The following TRMT9B variants were observed in gnomAD, a reference collection of about 807,000 sequenced individuals.
TRMT9B encodes tRNA methyltransferase 9B (putative).
Under a neutral mutation model 11.5 loss-of-function variants are expected in TRMT9B, and 16 were observed. That is an observed-to-expected ratio of 1.39 (90% CI 0.94 to 2.11). The LOEUF is 2.11. Ranked by LOEUF, TRMT9B falls within the 30% of genes most tolerant of loss-of-function variation. TRMT9B has a pLI of 0.00. For missense variants in TRMT9B, 941 were observed against 553.8 expected, an observed-to-expected ratio of 1.70 and a Z score of -7.02; for synonymous variants, 274 against 192.4, an observed-to-expected ratio of 1.42 and a Z score of -3.51.
Position 13,012,724 on chromosome 8 carries a change from A to ACATAC in TRMT9B, c.197_201dup (p.Val68IlefsTer12). The ACATAC allele has an allele frequency of 6.2e-7, 1 of 1,614,048 alleles. No homozygotes were observed. On this transcript the variant is annotated frameshift_variant, in exon 4 of 5. Coordinates refer to ENST00000524591, the MANE Select transcript of TRMT9B (RefSeq NM_020844.3). LOFTEE classifies it high-confidence loss of function. The stretch of plus-strand genomic sequence containing the variant: ...AATATCTTAAAGTGAACAGCCAGGT[A>ACATAC]CATACCGTGGGCTGTGACTACTGTG...
intron 2 of TRMT9B, among the ~76,000 whole-genome samples, chr8:12,998,069 T>C (rs1187700561): frequency 6.6e-6 from 1 of 152,208 alleles, no homozygotes; most frequent in Non-Finnish European, 1.5e-5. Flanking sequence ...TTAAAGTCTC[T>C]CGCCCATTTT....
rs146108926 is a variant in TRMT9B, at chr8:13,006,921, G to A, written c.154+565G>A. 1,408 of 158,112 alleles carry A rather than the reference G, an allele frequency of 8.9e-3. 23 individuals are homozygous for A. The highest frequency in any genetic ancestry group is 0.032 in the African/African-American group (1,336 of 41,638). The allele number at this position is 158,112 out of a possible 1,614,324, so 9.8% of individuals were successfully genotyped here. ...TGACCTCAGATGATCCATCTGTCTC[G>A]GCTTCCCAAAGTGCTGGGATTACAG... On this transcript the variant is annotated intron_variant, in intron 3 of 4. Transcript: ENST00000524591.
At chr8:12,967,397 C>A (rs1370757332) in intron 1 of TRMT9B, among the ~76,000 whole-genome samples, 2 of 152,186 alleles carry the variant, frequency 1.3e-5, no homozygotes, top group East Asian at 1.9e-4. Flanking sequence ...TCCTATAGCT[C>A]CCCTACAAAG....
At chr8:12,975,303 A>G (rs1585159510) in intron 1 of TRMT9B, among the ~76,000 whole-genome samples, 2 of 152,314 alleles carry the variant, frequency 1.3e-5, no homozygotes, top group East Asian at 3.9e-4. Flanking sequence ...CCTGAACGAT[A>G]TACTTGATAT....
In TRMT9B at chr8:12,945,679, T is replaced by G. The variant is rs991895871; in HGVS notation, c.-487T>G. The G allele has an allele frequency of 6.6e-6, 1 of 152,228 alleles. No individual in the cohort carries two copies. Among genetic ancestry groups the G allele is most frequent in the Non-Finnish European group, 1.5e-5 (1 of 68,038 alleles). The allele number at this position is 152,228 out of a possible 1,614,324, so 9.4% of individuals were successfully genotyped here. A position where few individuals can be genotyped will look rare whatever the true frequency, so the allele number is the denominator to read the frequency against. Reference sequence around the variant, plus strand: ...AACATCCGGTGTGTGTTTTATTCAGTATTGTGTAGTACAGAAAAGATCACA... The same window carrying G: ...AACATCCGGTGTGTGTTTTATTCAGGATTGTGTAGTACAGAAAAGATCACA... On this transcript the variant is annotated 5_prime_UTR_variant, in exon 1 of 5. Coordinates refer to ENST00000524591, the MANE Select transcript of TRMT9B (RefSeq NM_020844.3).
chr8:13,013,410 G>A (rs1216648566), intron 4 of TRMT9B, among the ~76,000 whole-genome samples: 2 of 152,232 alleles, frequency 1.3e-5, no homozygotes, highest in African/African-American at 4.8e-5. Context: ...TCGTTCATGA[G>A]TCTAGGGAAT....
At chr8:12,976,889 C>G (rs929322739) in intron 1 of TRMT9B, among the ~76,000 whole-genome samples, 1 of 152,100 alleles carries the variant, frequency 6.6e-6, no homozygotes, top group African/African-American at 2.4e-5. Context: ...ATTGTTCAAC[C>G]CAGACCTATC....
At chr8:12,972,631 G>C (rs1803812050) in intron 1 of TRMT9B, among the ~76,000 whole-genome samples, 1 of 152,094 alleles carries the variant, frequency 6.6e-6, no homozygotes, top group Admixed American at 6.5e-5. Flanking sequence ...TAGCAGTGCT[G>C]TTTACAGAGT....
In TRMT9B at chr8:12,998,590, T is replaced by C. The variant is rs10108448; in HGVS notation, c.-2+7559T>C. Among the ~76,000 whole-genome samples, 1,304 of 152,330 alleles carry C rather than the reference T, an allele frequency of 8.6e-3. 20 individuals are homozygous for C. The highest frequency in any genetic ancestry group is 0.03 in the African/African-American group (1,237 of 41,580). On this transcript the variant is annotated intron_variant, in intron 2 of 4. Transcript: ENST00000524591. Reference sequence around the variant, plus strand: ...TACCCTGGCCTCTGTGCTAACTTCTTAGGAGGAGCAGGTATAAAAAGCACC... The same window carrying C: ...TACCCTGGCCTCTGTGCTAACTTCTCAGGAGGAGCAGGTATAAAAAGCACC...
chr8:13,013,215 A>T (rs1279539983), intron 4 of TRMT9B, among the ~76,000 whole-genome samples: 2 of 152,352 alleles, frequency 1.3e-5, no homozygotes, highest in South Asian at 4.1e-4. Context: ...TTTAGAAGTT[A>T]TATTACCATT....
chr8:13,012,506 C>G, intron 3 of TRMT9B, 178 bp from the exon 4 acceptor site: 1 of 763,132 alleles, frequency 1.3e-6, no homozygotes, highest in Non-Finnish European at 1.9e-6. Context: ...ACCCGTGAGG[C>G]AGAGGTTGCA....
intron 1 of TRMT9B, among the ~76,000 whole-genome samples, chr8:12,963,895 C>A (rs901371590): frequency 6.6e-6 from 1 of 152,152 alleles, no homozygotes; most frequent in East Asian, 1.9e-4. Flanking sequence ...TGGAATCAGC[C>A]CATATGGGTT....
chr8:13,019,091 G>C (rs1474846191), intron 4 of TRMT9B, among the ~76,000 whole-genome samples: 2 of 152,120 alleles, frequency 1.3e-5, no homozygotes. Flanking sequence ...CTGGAGTATT[G>C]ATTTGGGGGA....
At chr8:13,019,243 G>T (rs186755137) in intron 4 of TRMT9B, among the ~76,000 whole-genome samples, 1 of 152,200 alleles carries the variant, frequency 6.6e-6, no homozygotes, top group African/African-American at 2.4e-5. Context: ...TTAGGTGCAA[G>T]TTATGGGAGA....
intron 2 of TRMT9B, among the ~76,000 whole-genome samples, chr8:13,001,436 C>A (rs951063843): frequency 1.3e-5 from 2 of 152,268 alleles, no homozygotes; most frequent in Middle Eastern, 6.8e-3. Context: ...AAACGTTTAC[C>A]GTCTCATACT....
intron 1 of TRMT9B, among the ~76,000 whole-genome samples, chr8:12,948,199 T>C (rs926074783): frequency 6.6e-6 from 1 of 152,108 alleles, no homozygotes; most frequent in South Asian, 2.1e-4. Flanking sequence ...TACATTAACC[T>C]GCAATTGGGC....
intron 4 of TRMT9B, among the ~76,000 whole-genome samples, chr8:13,013,905 C>A (rs765864388): frequency 2.0e-5 from 3 of 151,988 alleles, no homozygotes; most frequent in African/African-American, 7.2e-5. Flanking sequence ...GCTGAGATCA[C>A]ACCACTGCAC....
At chr8:13,006,640 G>A in intron 3 of TRMT9B, 1 of 1,353,270 alleles carries the variant, frequency 7.4e-7, no homozygotes, top group Non-Finnish European at 9.5e-7. Flanking sequence ...CAAGTCAGCA[G>A]CAAGTAAAAA....
intron 1 of TRMT9B, among the ~76,000 whole-genome samples, chr8:12,948,064 C>T (rs6993143): frequency 0.027 from 4,178 of 152,186 alleles, 194 homozygotes; most frequent in African/African-American, 0.095. Context: ...CCTTGACTTA[C>T]GATGGGGGTT....
Sources: gnomAD v4.1 joint callset for allele counts (sites outside exome capture counted in the v4.1 genomes callset) on GRCh38, gnomAD v4.1.1 for gene constraint, MANE v1.5 for transcripts, NCBI Gene and HGNC (gene_info 2026-07-23, HGNC 2026-07-21) for gene names.